CDH13: variants seen among roughly 807,000 people sequenced by gnomAD.
The protein encoded by CDH13 is cadherin 13, also known as cadherin-13.
In CDH13, 24 loss-of-function variants were observed where a neutral mutation model predicts 63.8. That is an observed-to-expected ratio of 0.38 (90% CI 0.27 to 0.53). CDH13 has a LOEUF of 0.53. CDH13 is among the 20% of genes least tolerant of loss of function. The pLI, the probability that CDH13 is intolerant of heterozygous loss-of-function variation, is 0.85. For missense variants in CDH13, 1,049 were observed against 903.1 expected, an observed-to-expected ratio of 1.16 and a Z score of -2.07; for synonymous variants, 503 against 355.3, an observed-to-expected ratio of 1.42 and a Z score of -4.67.
chr16:83,349,042 A>G (rs774751989), intron 6 of CDH13, among the ~76,000 whole-genome samples: 4 of 152,184 alleles, frequency 2.6e-5, no homozygotes, highest in African/African-American at 9.7e-5. Context: ...GGTCACCCAT[A>G]TTTATCTGTA....
intron 6 of CDH13, among the ~76,000 whole-genome samples, chr16:83,360,789 C>T (rs1324138384): frequency 6.6e-6 from 1 of 152,108 alleles, no homozygotes; most frequent in Non-Finnish European, 1.5e-5. Context: ...GATATGAGTT[C>T]ATTCTTTTCT....
Position 83,131,147 on chromosome 16 carries a change from T to C in CDH13, c.483+5646T>C, listed in dbSNP as rs77258029. Among the ~76,000 whole-genome samples, 365 of 146,614 alleles carry C rather than the reference T, an allele frequency of 2.5e-3. 1 individual carries two copies. Among genetic ancestry groups the C allele is most frequent in the Middle Eastern group, 7.6e-3 (2 of 264 alleles). On this transcript the variant is annotated intron_variant, in intron 4 of 13. Transcript: ENST00000567109. ...GAGATTCCAAATCACTGCTACTCAC[T>C]TAGATAGCAGGTGGGGAGTATAAGG...
intron 2 of CDH13, chr16:82,858,838 C>G: frequency 3.2e-6 from 1 of 314,138 alleles, no homozygotes; most frequent in Non-Finnish European, 5.8e-6. Flanking sequence ...GCTGTTCTAC[C>G]TGTAGTTTCT....
At chr16:82,854,367 C>T (rs1456270451) in intron 1 of CDH13, among the ~76,000 whole-genome samples, 3 of 144,176 alleles carry the variant, frequency 2.1e-5, no homozygotes, top group African/African-American at 7.8e-5. Flanking sequence ...TGCCACTGCA[C>T]TCCAACCTGG....
At chr16:82,869,198 C>A (rs538916044) in intron 2 of CDH13, among the ~76,000 whole-genome samples, 1 of 152,256 alleles carries the variant, frequency 6.6e-6, no homozygotes, top group East Asian at 1.9e-4. Context: ...AGAAGTGCAC[C>A]ACCACGCCTG....
chr16:83,199,471 C>T (rs956503696), intron 4 of CDH13, among the ~76,000 whole-genome samples: 10 of 152,170 alleles, frequency 6.6e-5, no homozygotes, highest in African/African-American at 2.4e-4. Flanking sequence ...CAAATGACTT[C>T]ACCTCTCTGG....
chr16:83,433,434 A>G (rs2072189211), intron 6 of CDH13, among the ~76,000 whole-genome samples: 1 of 152,230 alleles, frequency 6.6e-6, no homozygotes, highest in South Asian at 2.1e-4. Context: ...GCTATCATTC[A>G]TTACTGGGAA....
chr16:83,644,428 T>G (rs1314674198), intron 8 of CDH13, among the ~76,000 whole-genome samples: 2 of 152,236 alleles, frequency 1.3e-5, no homozygotes, highest in Non-Finnish European at 2.9e-5. Context: ...GCAATAAAAA[T>G]GCTTGAATGT....
Position 83,779,689 on chromosome 16 carries a change from T to C in CDH13, c.1682-279T>C, listed in dbSNP as rs1981860. On this transcript the variant is annotated intron_variant, in intron 11 of 13. Coordinates refer to ENST00000567109, the MANE Select transcript of CDH13 (RefSeq NM_001257.5). Reference sequence around the variant, plus strand: ...AATACAAAAATTATCCTCTTAGATGTAAATGCTAAAAAAATAAAGTTAGCC... The same window carrying C: ...AATACAAAAATTATCCTCTTAGATGCAAATGCTAAAAAAATAAAGTTAGCC... Among the ~76,000 whole-genome samples, 38,378 of 151,634 alleles carry C rather than the reference T, an allele frequency of 0.25. 5,511 individuals are homozygous for C. The highest frequency in any genetic ancestry group is 0.62 in the East Asian group (3,163 of 5,112).
chr16:83,449,123 A>G (rs1242629970), intron 6 of CDH13, among the ~76,000 whole-genome samples: 1 of 152,180 alleles, frequency 6.6e-6, no homozygotes, highest in Non-Finnish European at 1.5e-5. Context: ...TACGTTTTAA[A>G]TGTCTTACAT....
chr16:83,146,193 C>CAAA (rs749952847), intron 4 of CDH13, among the ~76,000 whole-genome samples: 1,043 of 97,490 alleles, frequency 0.011, 9 homozygotes, highest in African/African-American at 0.015. Context: ...GACTCTGTCT[C>CAAA]AAAAAAAAAA....
At chr16:82,986,081 C>T (rs61502045) in intron 2 of CDH13, among the ~76,000 whole-genome samples, 23,298 of 152,156 alleles carry the variant, frequency 0.15, 2,163 homozygotes, top group Non-Finnish European at 0.21. Flanking sequence ...TATATAGTGA[C>T]GTAAGAATGG....
chr16:83,152,090 GA>G (rs2037007006), intron 4 of CDH13, among the ~76,000 whole-genome samples: 1 of 151,910 alleles, frequency 6.6e-6, no homozygotes, highest in African/African-American at 2.4e-5. Flanking sequence ...AAAATTAGAG[GA>G]AAAAAAAGAG....
At chr16:82,659,240 C>T (rs926042144) in intron 1 of CDH13, among the ~76,000 whole-genome samples, 2 of 152,230 alleles carry the variant, frequency 1.3e-5, no homozygotes, top group Admixed American at 1.3e-4. Context: ...TCTCTCCCTT[C>T]ATTCAACACT....
intron 12 of CDH13, among the ~76,000 whole-genome samples, chr16:83,782,170 G>GT (rs568121159): frequency 2.0e-4 from 31 of 151,298 alleles, no homozygotes; most frequent in Middle Eastern, 3.4e-3. Context: ...TTGTCTCACA[G>GT]TTTTTTTTTC....
chr16:82,997,925 G>C (rs747382651), intron 2 of CDH13, among the ~76,000 whole-genome samples: 5 of 152,140 alleles, frequency 3.3e-5, no homozygotes, highest in Non-Finnish European at 7.4e-5. Context: ...CTAAGAATGT[G>C]CATTTATTAA....
chr16:82,843,685 T>A (rs146680636), intron 1 of CDH13, among the ~76,000 whole-genome samples: 1 of 152,210 alleles, frequency 6.6e-6, no homozygotes, highest in African/African-American at 2.4e-5. Flanking sequence ...AATAAAAACC[T>A]TCCCATGTGA....
At chr16:83,223,532 T>C (rs538638273) in intron 5 of CDH13, among the ~76,000 whole-genome samples, 1 of 152,332 alleles carries the variant, frequency 6.6e-6, no homozygotes, top group South Asian at 2.1e-4. Flanking sequence ...TTCCTGCCAC[T>C]TTGCTCTGAT....
chr16:82,993,170 C>A (rs1911846208), intron 2 of CDH13, among the ~76,000 whole-genome samples: 1 of 152,106 alleles, frequency 6.6e-6, no homozygotes, highest in South Asian at 2.1e-4. Context: ...ATATCTGTTT[C>A]CTTCTGCTAA....
Sources: gnomAD v4.1 joint callset for allele counts (sites outside exome capture counted in the v4.1 genomes callset) on GRCh38, gnomAD v4.1.1 for gene constraint, MANE v1.5 for transcripts, NCBI Gene and HGNC (gene_info 2026-07-23, HGNC 2026-07-21) for gene names.